JADE3: variants seen among roughly 807,000 people sequenced by gnomAD.
The protein encoded by JADE3 is protein Jade-3.
In JADE3, 2 loss-of-function variants were observed where a neutral mutation model predicts 50.1. That is an observed-to-expected ratio of 0.04 (90% CI 0.02 to 0.13). The LOEUF (loss-of-function observed/expected upper bound fraction) is 0.13. JADE3 is among the 10% of genes least tolerant of loss of function. JADE3 has a pLI of 1.00. For synonymous variants in JADE3, 218 were observed against 232.9 expected, an observed-to-expected ratio of 0.94 and a Z score of 0.58; for missense variants, 475 against 634.4, an observed-to-expected ratio of 0.75 and a Z score of 2.70.
intron 1 of JADE3, among the ~76,000 whole-genome samples, chrX:46,978,092 A>G (rs1401555974): frequency 8.9e-6 from 1 of 112,002 alleles, no homozygotes; most frequent in East Asian, 2.8e-4. Context: ...GTCTAGTGAC[A>G]ACAGGGCTGA....
chrX:47,003,626 T>A (rs1342056456), intron 4 of JADE3, among the ~76,000 whole-genome samples: 1 of 101,334 alleles, frequency 9.9e-6, no homozygotes, highest in Non-Finnish European at 2.0e-5. Context: ...TATAAATTTA[T>A]ATATTTATAT....
chrX:47,058,937 G>T lies in JADE3; in HGVS notation c.2332G>T (p.Ala778Ser), dbSNP rs1556374243. ...CPDLELSDSEAESDGNKEKVR... is the reference protein window; with the variant it reads ...CPDLELSDSESESDGNKEKVR... ...AGATTTGGAGCTGAGTGATTCAGAG[G>T]CAGAAAGTGATGGGAATAAAGAAAA... The change falls in exon 11 of 11, where the codon GCA becomes TCA. Residue 778 changes from alanine to serine, a missense_variant. Physicochemically the swap from Ala to Ser is moderately conservative, Grantham distance 99 (BLOSUM62 1). Coordinates refer to ENST00000614628, the MANE Select transcript of JADE3 (RefSeq NM_014735.5). 9.1e-6 allele frequency: 11 copies of T among 1,211,265 alleles called. No homozygotes were observed. Among genetic ancestry groups the T allele is most frequent in the East Asian group, 3.0e-5 (1 of 33,816 alleles).
intron 1 of JADE3, among the ~76,000 whole-genome samples, chrX:46,950,679 G>A (rs1471148841): frequency 8.9e-6 from 1 of 111,804 alleles, no homozygotes; most frequent in African/African-American, 3.2e-5. Flanking sequence ...TGGGCTGTAT[G>A]TTAAATTTAT....
intron 9 of JADE3, among the ~76,000 whole-genome samples, chrX:47,055,335 G>A (rs1269238134): frequency 9.0e-6 from 1 of 111,503 alleles, no homozygotes; most frequent in East Asian, 2.8e-4. Context: ...TCTATAAATG[G>A]CTTGTGTTTT....
chrX:46,982,350 T>C (rs1405422121), intron 1 of JADE3, among the ~76,000 whole-genome samples: 1 of 111,691 alleles, frequency 9.0e-6, no homozygotes, highest in Non-Finnish European at 1.9e-5. Flanking sequence ...AGTCTCTGTT[T>C]TGTAAAATAT....
chrX:46,929,154 C>T (rs1926438340), intron 1 of JADE3, among the ~76,000 whole-genome samples: 1 of 111,366 alleles, frequency 9.0e-6, no homozygotes, highest in African/African-American at 3.3e-5. Context: ...ACAATGTTAA[C>T]ACCAGGAATT....
intron 7 of JADE3, among the ~76,000 whole-genome samples, chrX:47,036,069 G>C (rs1556367894): frequency 9.0e-6 from 1 of 111,226 alleles, no homozygotes; most frequent in South Asian, 3.8e-4. Flanking sequence ...ACTTGAGCCT[G>C]GGAGGTCGAG....
intron 1 of JADE3, among the ~76,000 whole-genome samples, chrX:46,946,008 C>T (rs1434544116): frequency 8.9e-6 from 1 of 111,806 alleles, no homozygotes; most frequent in Admixed American, 9.5e-5. Context: ...CCTTATAGTG[C>T]ATACATTCCT....
chrX:46,956,317 G>A (rs782490942), intron 1 of JADE3, among the ~76,000 whole-genome samples: 18 of 111,109 alleles, frequency 1.6e-4, no homozygotes, highest in Admixed American at 6.7e-4. Context: ...CACCTGCCTC[G>A]GCCTCCCAAA....
At chrX:47,013,936 A>C (rs1258515318) in intron 4 of JADE3, among the ~76,000 whole-genome samples, 1 of 111,713 alleles carries the variant, frequency 9.0e-6, no homozygotes, top group African/African-American at 3.3e-5. Flanking sequence ...CATCCCCAAA[A>C]ACTGTTGCCA....
intron 1 of JADE3, among the ~76,000 whole-genome samples, chrX:46,947,584 G>GT (rs1368526089): frequency 7.2e-5 from 8 of 111,697 alleles, no homozygotes; most frequent in African/African-American, 2.3e-4. Context: ...AGACGTAACT[G>GT]TTTTTTGTAT....
intron 4 of JADE3, among the ~76,000 whole-genome samples, chrX:47,021,587 T>G (rs1168582883): frequency 8.9e-6 from 1 of 112,017 alleles, no homozygotes. Context: ...CTCCATTTCC[T>G]TACCAACATT....
At chrX:46,948,972 C>T (rs782343404) in intron 1 of JADE3, among the ~76,000 whole-genome samples, 8 of 111,012 alleles carry the variant, frequency 7.2e-5, no homozygotes, top group Non-Finnish European at 1.1e-4. Context: ...GGGTCTTTGT[C>T]ACCCAGACTG....
rs1232519992 is a variant in JADE3, at chrX:47,038,673, GAAGA to G, written c.856-261_856-258del. 8.8e-4 allele frequency among the ~76,000 whole-genome samples: 74 copies of G among 83,673 alleles called. 2 individuals carry two copies. Among genetic ancestry groups the G allele is most frequent in the African/African-American group, 3.0e-3 (68 of 22,811 alleles). The allele number at this position is 83,673 out of a possible 115,157, so 72.7% of individuals were successfully genotyped here. A position where few individuals can be genotyped will look rare whatever the true frequency, so the allele number is the denominator to read the frequency against. The stretch of plus-strand genomic sequence containing the variant: ...TGTCTCTAAAAAAAAAAAAAAAAAA[GAAGA>G]AAGAAAGAAAGAAAAGTAAAAGGTA... On this transcript the variant is annotated intron_variant, in intron 7 of 10. Transcript: ENST00000614628.
At chrX:46,933,242 A>G (rs782126128) in intron 1 of JADE3, among the ~76,000 whole-genome samples, 46 of 111,596 alleles carry the variant, frequency 4.1e-4, no homozygotes, top group African/African-American at 1.4e-3. Flanking sequence ...GTTAATGTCA[A>G]TCACTGATTT....
Position 47,060,364 on chromosome X carries a change from CTCTT to C in JADE3, c.*1292_*1295del, listed in dbSNP as rs1414280666. On this transcript the variant is annotated 3_prime_UTR_variant, in exon 11 of 11. Transcript: ENST00000614628. ...TTCTTCTTAGCCTTAAATTAATATT[CTCTT>C]TCTTCTAGTTTTGGAAAGTGTAGTG... 1 of 111,263 alleles carries C rather than the reference CTCTT, an allele frequency of 9.0e-6. No individual in the cohort carries two copies. The allele number at this position is 111,263 out of a possible 1,213,427, so 9.2% of individuals were successfully genotyped here.
chrX:46,978,385 G>A (rs1413836487), intron 1 of JADE3, among the ~76,000 whole-genome samples: 1 of 111,410 alleles, frequency 9.0e-6, no homozygotes, highest in Non-Finnish European at 1.9e-5. Context: ...GGAAAGCAAA[G>A]GAGTGAATAA....
intron 3 of JADE3, among the ~76,000 whole-genome samples, chrX:46,988,009 C>T (rs1927901516): frequency 8.9e-6 from 1 of 112,346 alleles, no homozygotes; most frequent in Non-Finnish European, 1.9e-5. Flanking sequence ...GATAATTTGT[C>T]AGCATAACAT....
chrX:47,026,648 G>A (rs1046187464), intron 5 of JADE3, among the ~76,000 whole-genome samples: 4 of 111,408 alleles, frequency 3.6e-5, no homozygotes, highest in African/African-American at 1.3e-4. Context: ...AGAGCTTAAA[G>A]TAAACTTTTT....
Sources: allele counts gnomAD v4.1 joint callset (sites outside exome capture counted in the v4.1 genomes callset), GRCh38; gene constraint gnomAD v4.1.1; transcripts MANE v1.5; gene names NCBI Gene and HGNC (gene_info 2026-07-23, HGNC 2026-07-21).